PACS2: variants seen among roughly 807,000 people sequenced by gnomAD.
PACS2 encodes phosphofurin acidic cluster sorting protein 2, also known as PACS1-like protein.
A neutral mutation model predicts 113.0 loss-of-function variants in PACS2; 36 were observed. That is an observed-to-expected ratio of 0.32 (90% CI 0.24 to 0.42). PACS2 has a LOEUF of 0.42. PACS2 is among the 10% of genes least tolerant of loss of function. The probability of loss-of-function intolerance (pLI) is 1.00; values close to 1 mark genes in which losing one functional copy is unlikely to be tolerated. For missense variants in PACS2, 1,015 were observed against 1,239.5 expected (o/e 0.82, Z 2.72); for synonymous variants, 589 against 536.1 (o/e 1.10, Z -1.36).
Position 105,317,971 on chromosome 14 carries a change from A to G in PACS2, c.119+2934A>G, listed in dbSNP as rs1448890605. ...GGTGCTCCTAGGTGGTCCACGGGGT[A>G]TGCGTCAGTGCCTGTCTGTGGCCTC... On this transcript the variant is annotated intron_variant, in intron 1 of 24. Transcript: ENST00000447393. This position sits in a 1 kb window ranked among gnomAD's most constrained non-coding sequence, Gnocchi z 4.2. 1.3e-5 allele frequency among the ~76,000 whole-genome samples: 2 copies of G among 152,126 alleles called. No homozygotes were observed. The highest frequency in any genetic ancestry group is 2.4e-5 in the African/African-American group (1 of 41,418).
chr14:105,303,980 T>C (rs1435755428), intron 1 of PACS2, among the ~76,000 whole-genome samples: 3 of 152,262 alleles, frequency 2.0e-5, no homozygotes, highest in Non-Finnish European at 2.9e-5. Flanking sequence ...ATGTGGCCAC[T>C]GGATCCTTGC....
At position 105,323,212 on chromosome 14, in the gene PACS2, C is replaced by T. The variant is rs2058965283; in HGVS notation, c.119+8175C>T. ...TTCATGAGTCCCGGGAAGCTCTCAG[C>T]CACTTTTTCTTCTGCTGTTGGTTCT... is the stretch of plus-strand genomic sequence containing the variant. On this transcript the variant is annotated intron_variant, in intron 1 of 24. Coordinates refer to ENST00000447393, the MANE Select transcript of PACS2 (RefSeq NM_001100913.3). This position sits in a 1 kb window ranked among gnomAD's most constrained non-coding sequence, Gnocchi z 4.1. Among the ~76,000 whole-genome samples, 1 of 152,214 alleles carries T rather than the reference C, an allele frequency of 6.6e-6. No individual in the cohort carries two copies. The highest frequency in any genetic ancestry group is 1.5e-5 in the Non-Finnish European group (1 of 68,042).
chr14:105,373,696 G>A (rs11850746), intron 8 of PACS2, among the ~76,000 whole-genome samples: 2 of 152,130 alleles, frequency 1.3e-5, no homozygotes, highest in Middle Eastern at 6.8e-3. Flanking sequence ...GCTGAGGTGG[G>A]AGAATCACCT....
intron 19 of PACS2, 96 bp from the exon 20 acceptor site, chr14:105,389,865 A>C (rs1337473109): frequency 8.8e-7 from 1 of 1,141,096 alleles, no homozygotes; most frequent in Non-Finnish European, 1.3e-6. Flanking sequence ...CCGCGGCCCC[A>C]GGGCTGCGCC....
In PACS2 at chr14:105,381,060, G is replaced by A. The variant is rs1555411885; in HGVS notation, c.1229G>A (p.Arg410Lys). Residue 410 changes from arginine (R) to lysine (K), a missense_variant, in exon 12 of 25, where the codon AGG becomes AAG. Transcript: ENST00000447393. Reference protein sequence around the residue: ...VFTERLPPSGRITKTESLVIP... With the variant: ...VFTERLPPSGKITKTESLVIP... ...ACGGAGAGGCTGCCGCCCAGCGGGAGGATCACCAAGACAGAGTCCCTTGTC... is the reference window on the plus strand; with the variant it reads ...ACGGAGAGGCTGCCGCCCAGCGGGAAGATCACCAAGACAGAGTCCCTTGTC... The A allele has an allele frequency of 6.2e-7, 1 of 1,612,526 alleles. No individual in the cohort carries two copies. Among genetic ancestry groups the A allele is most frequent in the Non-Finnish European group, 8.5e-7 (1 of 1,179,782 alleles).
intron 19 of PACS2, 178 bp from the exon 20 acceptor site, chr14:105,389,783 C>G (rs781920453): frequency 6.1e-6 from 4 of 657,564 alleles, no homozygotes; most frequent in Non-Finnish European, 1.1e-5. Flanking sequence ...CAGGCCAGGG[C>G]TGGCAGTGGT....
upstream of PACS2, among the ~76,000 whole-genome samples, chr14:105,309,910 C>T (rs1353996615): frequency 3.3e-5 from 5 of 151,246 alleles, no homozygotes; most frequent in African/African-American, 4.9e-5. The surrounding 1 kb of genome is among the most constrained non-coding windows in gnomAD (Gnocchi z 4.0). Flanking sequence ...CTCAGCCTCC[C>T]GACTAGCTGG....
intron 21 of PACS2, 119 bp from the exon 22 acceptor site, chr14:105,391,512 T>TGGCCCCCCCCCCCCC: frequency 1.8e-5 from 11 of 611,292 alleles, no homozygotes; most frequent in Non-Finnish European, 2.0e-5. Context: ...CACTGGGGAC[T>TGGCCCCCCCCCCCCC]CCCACCCTGC....
intron 2 of PACS2, among the ~76,000 whole-genome samples, chr14:105,349,875 A>G (rs12884499): frequency 1.1e-5 from 1 of 89,286 alleles, no homozygotes; most frequent in Admixed American, 1.2e-4. Context: ...CTTCCAGGAG[A>G]GCGTGGCTAA....
At chr14:105,382,676 G>A in intron 14 of PACS2, 95 bp downstream of exon 14, 1 of 968,966 alleles carries the variant, frequency 1.0e-6, no homozygotes, top group South Asian at 1.4e-5. Context: ...CCTGGGTGCT[G>A]GAGCTGCTGG....
At chr14:105,345,535 G>A (rs587720291) in intron 1 of PACS2, among the ~76,000 whole-genome samples, 8 of 152,258 alleles carry the variant, frequency 5.3e-5, no homozygotes, top group Non-Finnish European at 1.2e-4. Flanking sequence ...GACGTGCTGC[G>A]TTTTCATTTA....
chr14:105,310,233 G>C (rs1370847078), upstream of PACS2, among the ~76,000 whole-genome samples: 1 of 151,632 alleles, frequency 6.6e-6, no homozygotes, highest in Non-Finnish European at 1.5e-5. Context: ...TTGATATTAA[G>C]AATGTTACCC....
rs587627567 is a variant in PACS2, at chr14:105,325,076, G to A, written c.119+10039G>A. On this transcript the variant is annotated intron_variant, in intron 1 of 24. Transcript: ENST00000447393. ...CAAGCTGTGGGCACCCCCTGCCCCCGGACACAGGCAGCACCTGGCCAAGTG... is the reference window on the plus strand; with the variant it reads ...CAAGCTGTGGGCACCCCCTGCCCCCAGACACAGGCAGCACCTGGCCAAGTG... Among the ~76,000 whole-genome samples, 109 of 152,022 alleles carry A rather than the reference G, an allele frequency of 7.2e-4. 2 individuals carry two copies. Among genetic ancestry groups the A allele is most frequent in the South Asian group, 1.7e-3 (8 of 4,820 alleles).
chr14:105,373,104 C>T (rs947353548), intron 8 of PACS2, among the ~76,000 whole-genome samples: 2 of 152,172 alleles, frequency 1.3e-5, no homozygotes, highest in Non-Finnish European at 2.9e-5. Context: ...GGAAAGATGT[C>T]ATATGTTCAT....
chr14:105,352,555 G>T, intron 3 of PACS2, 88 bp downstream of exon 3: 1 of 712,616 alleles, frequency 1.4e-6, no homozygotes. Flanking sequence ...GGGGAGACGG[G>T]CCCCCCTCAT....
chr14:105,329,880 G>C lies in PACS2; in HGVS notation c.119+14843G>C, dbSNP rs587601769. 6.6e-5 allele frequency among the ~76,000 whole-genome samples: 10 copies of C among 152,324 alleles called. No individual in the cohort carries two copies. The highest frequency in any genetic ancestry group is 2.4e-4 in the African/African-American group (10 of 41,568). On this transcript the variant is annotated intron_variant, in intron 1 of 24. Coordinates refer to ENST00000447393, the MANE Select transcript of PACS2 (RefSeq NM_001100913.3). The surrounding 1 kb of genome is among the most constrained non-coding windows in gnomAD (Gnocchi z 6.4). Reference sequence around the variant, plus strand: ...CCTGGAACTCGAGCTGTGGTGTGGTGGTGCCAGCCCAGGAGCCAAGCACAG... The same window carrying C: ...CCTGGAACTCGAGCTGTGGTGTGGTCGTGCCAGCCCAGGAGCCAAGCACAG...
At chr14:105,379,860 A>G (rs1555411485) in intron 10 of PACS2, 31 bp downstream of exon 10, 1 of 1,591,100 alleles carries the variant, frequency 6.3e-7, no homozygotes. Context: ...CTCCCAGAGC[A>G]GACCGTGGTC....
At position 105,378,773 on chromosome 14, in the gene PACS2, C is replaced by T. The variant is rs187420966; in HGVS notation, c.960-966C>T. Reference sequence around the variant, plus strand: ...TTGAATCTGTAGGTCTCCCTTCCTCCTTTTTCTTCGTACATATTATATCAA... The same window carrying T: ...TTGAATCTGTAGGTCTCCCTTCCTCTTTTTTCTTCGTACATATTATATCAA... On this transcript the variant is annotated intron_variant, in intron 9 of 24. Coordinates refer to ENST00000447393, the MANE Select transcript of PACS2 (RefSeq NM_001100913.3). 4.6e-5 allele frequency among the ~76,000 whole-genome samples: 7 copies of T among 152,380 alleles called. No individual in the cohort carries two copies. In the East Asian group the frequency reaches 9.6e-4, roughly 21 times the overall value.
At chr14:105,384,853 C>G in intron 17 of PACS2, 26 bp from the exon 18 acceptor site, 2 of 1,431,376 alleles carry the variant, frequency 1.4e-6, no homozygotes, top group Non-Finnish European at 1.9e-6. Context: ...ACCAGCCTAA[C>G]CCCCCACCGC....
Sources: allele counts gnomAD v4.1 joint callset (sites outside exome capture counted in the v4.1 genomes callset), GRCh38; gene constraint gnomAD v4.1.1; non-coding constraint Gnocchi (gnomAD v3.1); transcripts MANE v1.5; gene names NCBI Gene and HGNC (gene_info 2026-07-23, HGNC 2026-07-21).